Variants in MROH7 observed in about 807,000 individuals in gnomAD.
MROH7 encodes maestro heat-like repeat-containing protein family member 7.
A neutral mutation model predicts 129.2 loss-of-function variants in MROH7; 113 were observed. That is an observed-to-expected ratio of 0.87 (90% confidence interval 0.75 to 1.02). MROH7 has a LOEUF of 1.02. Ranked by LOEUF, MROH7 falls within the 50% of genes least tolerant of loss-of-function variation. The probability of loss-of-function intolerance (pLI) is 0.00; values close to 1 mark genes in which losing one functional copy is unlikely to be tolerated. For synonymous variants in MROH7, 655 were observed against 667.9 expected (o/e 0.98, Z 0.30); for missense variants, 1,601 against 1,671.3 (o/e 0.96, Z 0.73).
At chr1:54,693,232 G>C (rs1645267311) in intron 16 of MROH7, among the ~76,000 whole-genome samples, 1 of 152,164 alleles carries the variant, frequency 6.6e-6, no homozygotes, top group Non-Finnish European at 1.5e-5. Context: ...TGTAGTACAT[G>C]ATGGTAAGTG....
chr1:54,694,643 T>C lies in MROH7; in HGVS notation c.2850-733T>C, dbSNP rs557518204. Among the ~76,000 whole-genome samples the C allele has an allele frequency of 5.9e-5, 9 of 152,270 alleles. No individual in the cohort carries two copies. The South Asian group carries it at 1.9e-3, about 32-fold the overall frequency. On this transcript the variant is annotated intron_variant, in intron 16 of 23. Transcript: ENST00000421030. The stretch of plus-strand genomic sequence containing the variant: ...CACCACACCCAGTCAATTTTTTTTG[T>C]ATTTTTAGTAGAGACGGGGTTTTAC...
intron 23 of MROH7, 85 bp downstream of exon 23, chr1:54,709,161 G>A: frequency 7.6e-7 from 1 of 1,313,060 alleles, no homozygotes; most frequent in Admixed American, 1.7e-5. Context: ...AAAGGGAAGG[G>A]ATGTGTCCCA....
chr1:54,658,957 A>G (rs990190412), intron 3 of MROH7, among the ~76,000 whole-genome samples: 19 of 152,200 alleles, frequency 1.2e-4, no homozygotes, highest in Non-Finnish European at 2.1e-4. Context: ...TGGGGGGACA[A>G]CTGCTCTTGG....
chr1:54,679,881 T>C lies in MROH7; in HGVS notation c.2227-10T>C, dbSNP rs17110931. The C allele has an allele frequency of 1.3e-3, 2,134 of 1,602,812 alleles. 23 individuals carry two copies. The African/African-American group carries it at 0.024, about 18-fold the overall frequency. On this transcript the variant is annotated splice_polypyrimidine_tract_variant and intron_variant, in intron 12 of 23. Transcript: ENST00000421030. ...TCCCCTTGCTCATGGCTGCCCCGGC[T>C]GTGCCCCAGATCCCAGAAATCATGC...
intron 11 of MROH7, 52 bp downstream of exon 11, chr1:54,678,906 A>G (rs1307934242): frequency 1.4e-6 from 2 of 1,387,286 alleles, no homozygotes; most frequent in Admixed American, 3.4e-5. Context: ...GAGGAGGGGC[A>G]GTGCCACCTG....
chr1:54,680,155 GC>G (rs981009009), intron 13 of MROH7, 110 bp downstream of exon 13: 1 of 974,244 alleles, frequency 1.0e-6, no homozygotes, highest in African/African-American at 1.6e-5. Context: ...CTCCCAGATG[GC>G]CCCCCTTCTG....
intron 1 of MROH7, among the ~76,000 whole-genome samples, chr1:54,647,510 T>G (rs1005496560): frequency 1.1e-4 from 16 of 151,984 alleles, no homozygotes; most frequent in African/African-American, 3.1e-4. Flanking sequence ...CAGGCCAAGG[T>G]GGGTGGATCA....
intron 15 of MROH7, among the ~76,000 whole-genome samples, chr1:54,687,113 G>A (rs1040351042): frequency 3.3e-5 from 5 of 151,124 alleles, no homozygotes; most frequent in South Asian, 2.1e-4. Flanking sequence ...TCGCTCTGTC[G>A]CCCAGGCTGG....
rs1423693725 is a variant in MROH7, at chr1:54,652,891, A to C, written c.-36A>C. 6.5e-7 allele frequency: 1 copy of C among 1,527,588 alleles called. No homozygotes were observed. The highest frequency in any genetic ancestry group is 8.8e-7 in the Non-Finnish European group (1 of 1,140,414). The allele number at this position is 1,527,588 out of a possible 1,614,324, so 94.6% of individuals were successfully genotyped here. A position where few individuals can be genotyped will look rare whatever the true frequency, so the allele number is the denominator to read the frequency against. On this transcript the variant is annotated 5_prime_UTR_variant, in exon 3 of 24. Coordinates refer to ENST00000421030, the MANE Select transcript of MROH7 (RefSeq NM_001039464.4). ...ATGTGACAGTTGGCTGTTGGAGAGA[A>C]GCGGGCACTGGCATTGAGAGACCTC...
intron 15 of MROH7, among the ~76,000 whole-genome samples, chr1:54,688,705 G>A (rs1337086995): frequency 2.0e-5 from 3 of 152,220 alleles, no homozygotes; most frequent in African/African-American, 7.2e-5. Context: ...TGCCCGCAGT[G>A]CGGCCAGTTC....
At chr1:54,691,205 G>A (rs1645232590) in intron 15 of MROH7, among the ~76,000 whole-genome samples, 1 of 152,136 alleles carries the variant, frequency 6.6e-6, no homozygotes, top group African/African-American at 2.4e-5. Flanking sequence ...GACTATCATT[G>A]ATGGCACACA....
Position 54,654,064 on chromosome 1 carries a change from A to C in MROH7, c.1138A>C (p.Met380Leu). The change falls in exon 3 of 24, where the codon ATG becomes CTG. Residue 380 changes from methionine to leucine, a missense_variant. By Grantham distance (15) the Met-to-Leu change is conservative. Transcript: ENST00000421030. ...LEENLESWSE[M>L]ASIKVGQFPL... ...GGAGAATCTGGAGAGTTGGAGTGAGATGGCCAGCATTAAGGTGGGCCAGTT... is the reference window on the plus strand; with the variant it reads ...GGAGAATCTGGAGAGTTGGAGTGAGCTGGCCAGCATTAAGGTGGGCCAGTT... 6.2e-7 allele frequency: 1 copy of C among 1,614,162 alleles called. No individual in the cohort carries two copies. The highest frequency in any genetic ancestry group is 8.5e-7 in the Non-Finnish European group (1 of 1,180,014).
chr1:54,685,418 C>T (rs187504297), intron 14 of MROH7, among the ~76,000 whole-genome samples: 47 of 152,360 alleles, frequency 3.1e-4, no homozygotes, highest in African/African-American at 1.1e-3. Flanking sequence ...TGGGGCTGGC[C>T]GGATGATGAT....
At chr1:54,696,731 G>A (rs964084129) in intron 17 of MROH7, among the ~76,000 whole-genome samples, 8 of 135,800 alleles carry the variant, frequency 5.9e-5, no homozygotes, top group African/African-American at 2.2e-4. Flanking sequence ...GAGTGCAGTG[G>A]CGTGATTTTG....
rs1645471884 is a variant in MROH7, at chr1:54,703,462, C to G, written c.3564+717C>G. ...TTGGGAAATACTGCACTGACATTCTCCTCTTGGAGATTTGCAATGACATCA... is the reference window on the plus strand; with the variant it reads ...TTGGGAAATACTGCACTGACATTCTGCTCTTGGAGATTTGCAATGACATCA... On this transcript the variant is annotated intron_variant, in intron 21 of 23. Transcript: ENST00000421030. The surrounding 1 kb of genome is among the most constrained non-coding windows in gnomAD (Gnocchi z 4.4). 1.3e-5 allele frequency among the ~76,000 whole-genome samples: 2 copies of G among 152,194 alleles called. No individual in the cohort carries two copies. Among genetic ancestry groups the G allele is most frequent in the Non-Finnish European group, 2.9e-5 (2 of 68,038 alleles).
In MROH7 at chr1:54,654,081, G is replaced by A. The variant is rs1349943630; in HGVS notation, c.1155G>A (p.Val385=). The A allele has an allele frequency of 1.2e-6, 2 of 1,614,072 alleles. No homozygotes were observed. Among genetic ancestry groups the A allele is most frequent in the Admixed American group, 3.3e-5 (2 of 60,002 alleles). ...GGAGTGAGATGGCCAGCATTAAGGTGGGCCAGTTCCCGCTGGGATTCCCCA... is the reference window on the plus strand; with the variant it reads ...GGAGTGAGATGGCCAGCATTAAGGTAGGCCAGTTCCCGCTGGGATTCCCCA... ...ESWSEMASIK[V]GQFPLGFPIS... The change falls in exon 3 of 24, where the codon GTG becomes GTA. Residue 385 remains valine (V), a synonymous_variant. Transcript: ENST00000421030.
At chr1:54,668,290 G>A (rs954671865) in intron 4 of MROH7, among the ~76,000 whole-genome samples, 1 of 152,246 alleles carries the variant, frequency 6.6e-6, no homozygotes, top group Non-Finnish European at 1.5e-5. Flanking sequence ...GATAGGAGGA[G>A]CAGAAAAGAA....
At chr1:54,663,788 G>C (rs113803862) in intron 3 of MROH7, 1 of 454,096 alleles carries the variant, frequency 2.2e-6, no homozygotes, top group East Asian at 7.0e-5. Context: ...GACTTTCCCT[G>C]CTTGAGTCCT....
At position 54,701,143 on chromosome 1, in the gene MROH7, ACCG is replaced by A; in HGVS notation, c.3109_3111del (p.Ala1037del). 6.2e-7 allele frequency: 1 copy of A among 1,613,306 alleles called. No homozygotes were observed. Among genetic ancestry groups the A allele is most frequent in the Non-Finnish European group, 8.5e-7 (1 of 1,180,014 alleles). On this transcript the variant is annotated inframe_deletion and splice_region_variant, in exon 19 of 24. Coordinates refer to ENST00000421030, the MANE Select transcript of MROH7 (RefSeq NM_001039464.4). The stretch of plus-strand genomic sequence containing the variant: ...CATCCCAAATGCTCCTGCCCCACAG[ACCG>A]CCAAGGTGAAGGCCCTCCTGCCCTC...
Sources: gnomAD v4.1 joint callset for allele counts (sites outside exome capture counted in the v4.1 genomes callset) on GRCh38, gnomAD v4.1.1 for gene constraint, Gnocchi (gnomAD v3.1) non-coding constraint, MANE v1.5 for transcripts, NCBI Gene and HGNC (gene_info 2026-07-23, HGNC 2026-07-21) for gene names.